The following ST18 variants were observed in gnomAD, a reference collection of about 807,000 sequenced individuals.
ST18 encodes the protein ST18 C2H2C-type zinc finger transcription factor.
ST18 carries 50 observed loss-of-function variants against 110.0 expected under a neutral mutation model. That is an observed-to-expected ratio of 0.45 (90% CI 0.36 to 0.58). The LOEUF (loss-of-function observed/expected upper bound fraction) is 0.58. ST18 is among the 20% of genes least tolerant of loss of function. The pLI, the probability that ST18 is intolerant of heterozygous loss-of-function variation, is 0.00. For synonymous variants in ST18, 461 were observed against 452.4 expected, an observed-to-expected ratio of 1.02 and a Z score of -0.24; for missense variants, 1,306 against 1,280.1, an observed-to-expected ratio of 1.02 and a Z score of -0.31.
chr8:52,120,511 G>A (rs2044285197), intron 23 of ST18, among the ~76,000 whole-genome samples: 1 of 152,156 alleles, frequency 6.6e-6, no homozygotes, highest in South Asian at 2.1e-4. Flanking sequence ...ATCAGAAGGA[G>A]GCAGGCCTGT....
At chr8:52,342,917 T>C (rs901790760) in intron 2 of ST18, among the ~76,000 whole-genome samples, 1 of 152,036 alleles carries the variant, frequency 6.6e-6, no homozygotes. Flanking sequence ...CATACAAAAG[T>C]GAATGGCAAA....
intron 2 of ST18, among the ~76,000 whole-genome samples, chr8:52,331,810 ATTTC>A: frequency 6.6e-6 from 1 of 152,188 alleles, no homozygotes; most frequent in Non-Finnish European, 1.5e-5. Flanking sequence ...TTAAGGTGTC[ATTTC>A]AATTACCTAT....
Position 52,213,713 on chromosome 8 carries a change from G to C in ST18, c.55+490C>G, listed in dbSNP as rs912035434. Among the ~76,000 whole-genome samples, 12 of 152,210 alleles carry C rather than the reference G, an allele frequency of 7.9e-5. No individual in the cohort carries two copies. The South Asian group carries it at 2.5e-3, about 32-fold the overall frequency. Reference sequence around the variant, plus strand: ...GATAACCAGCAAGTTAAACCTTCCAGACATCAGAGCTGCTGGAAATTCCCA... The same window carrying C: ...GATAACCAGCAAGTTAAACCTTCCACACATCAGAGCTGCTGGAAATTCCCA... On this transcript the variant is annotated intron_variant, in intron 7 of 25. Coordinates refer to ENST00000689386, the MANE Select transcript of ST18 (RefSeq NM_001352837.2).
chr8:52,247,956 G>C (rs1483073657), intron 2 of ST18, among the ~76,000 whole-genome samples: 2 of 151,992 alleles, frequency 1.3e-5, no homozygotes, highest in Non-Finnish European at 2.9e-5. Flanking sequence ...AATACTTAGA[G>C]TTGGTAATAT....
In ST18 at chr8:52,313,791, C is replaced by G. The variant is rs558917048; in HGVS notation, c.-464-83714G>C. ...AATTTAGAAGGGATCGTTGCTGCCCCGAGGCCTCCCGCAGCAATGGGAGCT... is the reference window on the plus strand; with the variant it reads ...AATTTAGAAGGGATCGTTGCTGCCCGGAGGCCTCCCGCAGCAATGGGAGCT... On this transcript the variant is annotated intron_variant, in intron 2 of 25. Coordinates refer to ENST00000689386, the MANE Select transcript of ST18 (RefSeq NM_001352837.2). Among the ~76,000 whole-genome samples, 5 of 152,216 alleles carry G rather than the reference C, an allele frequency of 3.3e-5. No homozygotes were observed. In the South Asian group the frequency reaches 1.0e-3, roughly 32 times the overall value.
intron 8 of ST18, among the ~76,000 whole-genome samples, chr8:52,211,779 C>G (rs2082256280): frequency 6.6e-6 from 1 of 152,074 alleles, no homozygotes; most frequent in Non-Finnish European, 1.5e-5. Flanking sequence ...GAAATCCAAC[C>G]GCATGCAAGG....
chr8:52,226,331 GT>G (rs1248524923), intron 3 of ST18, among the ~76,000 whole-genome samples: 2 of 152,094 alleles, frequency 1.3e-5, no homozygotes, highest in African/African-American at 4.8e-5. Flanking sequence ...TGTTTATGAT[GT>G]GGTTTATTAA....
At chr8:52,390,571 C>G (rs1838964548) in intron 2 of ST18, among the ~76,000 whole-genome samples, 1 of 152,152 alleles carries the variant, frequency 6.6e-6, no homozygotes, top group African/African-American at 2.4e-5. Context: ...GTGAATGTCC[C>G]CATCCCCTTG....
chr8:52,264,868 T>C (rs1197170167), intron 2 of ST18, among the ~76,000 whole-genome samples: 1 of 152,182 alleles, frequency 6.6e-6, no homozygotes, highest in Non-Finnish European at 1.5e-5. Flanking sequence ...ACACCAGTGA[T>C]TTCTGCAAAT....
intron 16 of ST18, among the ~76,000 whole-genome samples, chr8:52,148,418 G>A (rs2057937531): frequency 6.6e-6 from 1 of 152,140 alleles, no homozygotes; most frequent in Admixed American, 6.5e-5. Flanking sequence ...TGCTGAGGAT[G>A]TCTCCCAGGG....
intron 8 of ST18, among the ~76,000 whole-genome samples, chr8:52,198,763 A>C (rs2076991762): frequency 6.6e-6 from 1 of 152,254 alleles, no homozygotes; most frequent in Non-Finnish European, 1.5e-5. Flanking sequence ...TGAATTACAA[A>C]TAACTTGAAA....
At chr8:52,150,671 A>G (rs935102147) in intron 15 of ST18, 1 of 152,262 alleles carries the variant, frequency 6.6e-6, no homozygotes, top group African/African-American at 2.4e-5. Flanking sequence ...ACTGAGGTTG[A>G]AGCCCTATAG....
At chr8:52,268,492 T>TATCTATC (rs1554799084) in intron 2 of ST18, among the ~76,000 whole-genome samples, 2,060 of 151,170 alleles carry the variant, frequency 0.014, 27 homozygotes, top group Non-Finnish European at 0.021. Context: ...TCTATCTATC[T>TATCTATC]ATCTATCTAT....
intron 2 of ST18, among the ~76,000 whole-genome samples, chr8:52,257,711 G>A (rs978632408): frequency 6.6e-6 from 1 of 151,994 alleles, no homozygotes; most frequent in Non-Finnish European, 1.5e-5. Flanking sequence ...TATAGAATTT[G>A]CAAAACTTTT....
intron 8 of ST18, among the ~76,000 whole-genome samples, chr8:52,193,877 G>A (rs756589254): frequency 1.3e-5 from 2 of 152,188 alleles, no homozygotes; most frequent in Non-Finnish European, 2.9e-5. Flanking sequence ...GAGCTACAGT[G>A]TGTCCAACAG....
At chr8:52,146,340 A>T (rs2057266748) in intron 16 of ST18, among the ~76,000 whole-genome samples, 1 of 152,156 alleles carries the variant, frequency 6.6e-6, no homozygotes. Context: ...GTTGCCGCCA[A>T]CACACCTTGC....
chr8:52,159,025 G>T lies in ST18; in HGVS notation c.1679C>A (p.Ser560Tyr), dbSNP rs987299372. Reference sequence around the variant, plus strand: ...TTCACTACATTGACCGTAGCTATAAGAGCTGGCACGGCCAGGGCTCTGGGT... The same window carrying T: ...TTCACTACATTGACCGTAGCTATAATAGCTGGCACGGCCAGGGCTCTGGGT... ...AHTQSPGRAS[S>Y]YSYGQCSEDT... Residue 560 changes from serine to tyrosine, a missense_variant, in exon 15 of 26, where the codon TCT becomes TAT. Physicochemically the swap from Ser to Tyr is moderately radical, Grantham distance 144. Transcript: ENST00000689386. 6.2e-7 allele frequency: 1 copy of T among 1,614,180 alleles called. No homozygotes were observed. Among genetic ancestry groups the T allele is most frequent in the East Asian group, 2.2e-5 (1 of 44,880 alleles).
At chr8:52,335,012 G>A (rs1325870569) in intron 2 of ST18, among the ~76,000 whole-genome samples, 2 of 152,170 alleles carry the variant, frequency 1.3e-5, no homozygotes, top group African/African-American at 4.8e-5. Context: ...GTATGTGAAA[G>A]AGTATCTTGA....
chr8:52,334,682 TG>T (rs1232039760), intron 2 of ST18, among the ~76,000 whole-genome samples: 7 of 151,804 alleles, frequency 4.6e-5, no homozygotes, highest in Non-Finnish European at 1.0e-4. Context: ...TCAAGCTAAA[TG>T]GTATGTCTTC....
Sources: gnomAD v4.1 joint callset for allele counts (sites outside exome capture counted in the v4.1 genomes callset) on GRCh38, gnomAD v4.1.1 for gene constraint, MANE v1.5 for transcripts, NCBI Gene and HGNC (gene_info 2026-07-23, HGNC 2026-07-21) for gene names.